The following PSD3 variants were observed in gnomAD, a reference collection of about 807,000 sequenced individuals.
PSD3 encodes the protein pleckstrin and Sec7 domain containing 3, also known as PH and SEC7 domain-containing protein 3.
In PSD3, 49 loss-of-function variants were observed where a neutral mutation model predicts 105.5. The ratio of observed to expected loss-of-function variants is 0.46; its 90% confidence interval spans 0.37 to 0.59. PSD3 has a LOEUF of 0.59. Ranked by LOEUF, PSD3 falls within the 20% of genes least tolerant of loss-of-function variation. The pLI is 0.00. For missense variants in PSD3, 1,561 were observed against 1,263.8 expected (o/e 1.24, Z -3.57); for synonymous variants, 557 against 457.8 (o/e 1.22, Z -2.77).
At chr8:18,755,861 A>G (rs1280387734) in intron 9 of PSD3, among the ~76,000 whole-genome samples, 1 of 151,890 alleles carries the variant, frequency 6.6e-6, no homozygotes, top group Non-Finnish European at 1.5e-5. Flanking sequence ...GGTCTGAACC[A>G]CACCAAAAGC....
At chr8:18,914,545 C>T (rs1820456300) in intron 2 of PSD3, among the ~76,000 whole-genome samples, 1 of 152,002 alleles carries the variant, frequency 6.6e-6, no homozygotes. Flanking sequence ...CATACAAAAA[C>T]CAGTAGCAAT....
chr8:18,762,069 C>G (rs1806585925), intron 9 of PSD3, among the ~76,000 whole-genome samples: 1 of 152,176 alleles, frequency 6.6e-6, no homozygotes, highest in African/African-American at 2.4e-5. Context: ...AAAAGGCCAT[C>G]TGACATGGTT....
intron 9 of PSD3, among the ~76,000 whole-genome samples, chr8:18,671,640 T>G (rs575753221): frequency 1.6e-5 from 2 of 127,296 alleles, no homozygotes; most frequent in East Asian, 2.8e-4. Context: ...TTGTTTTTTG[T>G]TTTTTTTTTT....
At chr8:18,846,021 A>G (rs1283302837) in intron 4 of PSD3, among the ~76,000 whole-genome samples, 1 of 152,162 alleles carries the variant, frequency 6.6e-6, no homozygotes, top group Non-Finnish European at 1.5e-5. Context: ...GAGTGACTAG[A>G]CTGGTATTCT....
intron 9 of PSD3, among the ~76,000 whole-genome samples, chr8:18,692,074 T>A (rs7843528): frequency 0.73 from 111,293 of 151,986 alleles, 43,900 homozygotes; most frequent in Non-Finnish European, 0.91. Context: ...TTTAGTTTCA[T>A]CAAAAAAGGG....
At chr8:18,759,248 T>G (rs562357592) in intron 9 of PSD3, among the ~76,000 whole-genome samples, 1 of 152,240 alleles carries the variant, frequency 6.6e-6, no homozygotes, top group East Asian at 1.9e-4. Flanking sequence ...GTCAAACATC[T>G]AATAGCAAGC....
chr8:18,988,560 T>C (rs531331808), intron 1 of PSD3, among the ~76,000 whole-genome samples: 87 of 152,038 alleles, frequency 5.7e-4, no homozygotes, highest in South Asian at 2.5e-3. Context: ...CTGTTCTACA[T>C]GGTTGTAGCT....
At chr8:18,710,295 A>G (rs114410519) in intron 9 of PSD3, among the ~76,000 whole-genome samples, 3,378 of 151,976 alleles carry the variant, frequency 0.022, 102 homozygotes, top group African/African-American at 0.075. Context: ...GATTAGAGGG[A>G]AAAAAAATGA....
intron 11 of PSD3, among the ~76,000 whole-genome samples, chr8:18,609,202 A>T (rs947300145): frequency 6.6e-6 from 1 of 152,206 alleles, no homozygotes; most frequent in African/African-American, 2.4e-5. Context: ...AGAGAGAGAG[A>T]ATTAGCCATA....
At chr8:18,989,472 G>A (rs1244101167) in intron 1 of PSD3, 1 of 152,116 alleles carries the variant, frequency 6.6e-6, no homozygotes, top group African/African-American at 2.4e-5. Flanking sequence ...AAAGAAAAAA[G>A]AAACACAGAT....
intron 1 of PSD3, among the ~76,000 whole-genome samples, chr8:18,960,329 G>C (rs1285676015): frequency 6.6e-6 from 1 of 152,188 alleles, no homozygotes; most frequent in African/African-American, 2.4e-5. Context: ...GTCTTCTGAA[G>C]ATGAGTAATC....
chr8:18,702,357 G>A (rs1203725356), intron 9 of PSD3, among the ~76,000 whole-genome samples: 1 of 152,148 alleles, frequency 6.6e-6, no homozygotes, highest in African/African-American at 2.4e-5. Context: ...TAAGAGTTAT[G>A]AGATGGAAAT....
intron 1 of PSD3, chr8:18,989,293 G>A (rs17384817): frequency 0.11 from 16,673 of 152,234 alleles, 1,108 homozygotes; most frequent in Non-Finnish European, 0.16. Flanking sequence ...AGGTGTTGCT[G>A]AGTGACTGGA....
intron 10 of PSD3, among the ~76,000 whole-genome samples, chr8:18,645,737 G>A (rs1807987187): frequency 6.6e-6 from 1 of 152,132 alleles, no homozygotes; most frequent in South Asian, 2.1e-4. Flanking sequence ...TTTCAATGAG[G>A]TGTAATGAGT....
chr8:19,041,136 A>T (rs1828110896), intron 1 of PSD3, among the ~76,000 whole-genome samples: 1 of 152,108 alleles, frequency 6.6e-6, no homozygotes, highest in East Asian at 1.9e-4. Context: ...GGCTCAAGCA[A>T]TCCTCCTGCC....
At chr8:18,651,822 G>T (rs1428265714) in intron 10 of PSD3, among the ~76,000 whole-genome samples, 3 of 152,178 alleles carry the variant, frequency 2.0e-5, no homozygotes, top group Non-Finnish European at 4.4e-5. Flanking sequence ...CAGGTTCCTA[G>T]CAGAGGTGAC....
rs59405582 is a variant in PSD3, at chr8:18,882,063, C to T, written c.131-9330G>A. Reference sequence around the variant, plus strand: ...CTCTACAAAAAATTTAAAAACTTAGCCAGGTGTGGTGGTGTGTGCCTGTGC... The same window carrying T: ...CTCTACAAAAAATTTAAAAACTTAGTCAGGTGTGGTGGTGTGTGCCTGTGC... On this transcript the variant is annotated intron_variant, in intron 2 of 15. Transcript: ENST00000327040. Among the ~76,000 whole-genome samples the T allele has an allele frequency of 4.0e-3, 615 of 152,116 alleles. 11 individuals carry two copies. Among genetic ancestry groups the T allele is most frequent in the African/African-American group, 0.014 (592 of 41,518 alleles).
Position 18,600,355 on chromosome 8 carries a change from T to C in PSD3, c.2481+9A>G, listed in dbSNP as rs1403352587. ...AGTTTTGTGGATTTTTTATCTGCTTTACTTTTACCTTTTGCAAGTAAAGAA... is the reference window on the plus strand; with the variant it reads ...AGTTTTGTGGATTTTTTATCTGCTTCACTTTTACCTTTTGCAAGTAAAGAA... On this transcript the variant is annotated intron_variant, in intron 12 of 15. Transcript: ENST00000327040. 1.1e-5 allele frequency: 18 copies of C among 1,606,980 alleles called. No individual in the cohort carries two copies. Among genetic ancestry groups the C allele is most frequent in the Non-Finnish European group, 1.5e-5 (18 of 1,174,778 alleles).
In PSD3 at chr8:19,000,167, G is replaced by A. The variant is rs578153118; in HGVS notation, c.21+13396C>T. 8.1e-4 allele frequency: 123 copies of A among 151,474 alleles called. 1 individual carries two copies. Among genetic ancestry groups the A allele is most frequent in the Admixed American group, 2.7e-3 (41 of 15,190 alleles). 9.4% of individuals were successfully genotyped at this position (151,474 alleles called of 1,614,324 possible). A position where few individuals can be genotyped will look rare whatever the true frequency, so the allele number is the denominator to read the frequency against. ...GCACTTTGGGAGGCCAAGGTGAGAGGATCACTTCAAGCCAGTGGTTTGAGA... is the reference window on the plus strand; with the variant it reads ...GCACTTTGGGAGGCCAAGGTGAGAGAATCACTTCAAGCCAGTGGTTTGAGA... On this transcript the variant is annotated intron_variant, in intron 1 of 15. Coordinates refer to ENST00000327040, the MANE Select transcript of PSD3 (RefSeq NM_015310.4).
Sources: allele counts gnomAD v4.1 joint callset (sites outside exome capture counted in the v4.1 genomes callset), GRCh38; gene constraint gnomAD v4.1.1; transcripts MANE v1.5; gene names NCBI Gene and HGNC (gene_info 2026-07-23, HGNC 2026-07-21).